Variants in LYSMD2 observed in about 807,000 individuals in gnomAD.
LYSMD2 encodes lysM and putative peptidoglycan-binding domain-containing protein 2.
LYSMD2 carries 6 observed loss-of-function variants against 17.7 expected under a neutral mutation model. That is an observed-to-expected ratio of 0.34 (90% CI 0.19 to 0.67). The LOEUF is 0.67. Ranked by LOEUF, LYSMD2 falls within the 30% of genes least tolerant of loss-of-function variation. The pLI is 0.69. For synonymous variants in LYSMD2, 102 were observed against 129.8 expected (o/e 0.79, Z 1.45); for missense variants, 237 against 286.7 (o/e 0.83, Z 1.25).
chr15:51,745,229 AT>A (rs1028574296), intron 1 of LYSMD2, among the ~76,000 whole-genome samples: 3 of 152,190 alleles, frequency 2.0e-5, no homozygotes, highest in Non-Finnish European at 2.9e-5. Flanking sequence ...TTCCAAAAAA[AT>A]AGAACACTTT....
At position 51,737,632 on chromosome 15, in the gene LYSMD2, C is replaced by G. The variant is rs1267299722; in HGVS notation, c.-10G>C. On this transcript the variant is annotated 5_prime_UTR_variant, in exon 1 of 3. Transcript: ENST00000267838. The surrounding 1 kb of genome is among the most constrained non-coding windows in gnomAD (Gnocchi z 4.2). ...GCGAGGAATCCGCCATGGGTCCTGC[C>G]GAGGCCGCCGGGTCGGGGAGCTTGC... The G allele has an allele frequency of 1.7e-6, 2 of 1,205,538 alleles. No homozygotes were observed. Among genetic ancestry groups the G allele is most frequent in the Non-Finnish European group, 2.1e-6 (2 of 971,324 alleles). 74.7% of individuals were successfully genotyped at this position (1,205,538 alleles called of 1,614,324 possible).
chr15:51,744,156 T>G (rs1480403294), intron 1 of LYSMD2, among the ~76,000 whole-genome samples: 3 of 152,128 alleles, frequency 2.0e-5, no homozygotes, highest in Non-Finnish European at 4.4e-5. Flanking sequence ...TTATTGCATC[T>G]GCTAGGACTT....
intron 1 of LYSMD2, among the ~76,000 whole-genome samples, chr15:51,743,987 T>C (rs1002816975): frequency 2.0e-5 from 3 of 152,216 alleles, no homozygotes; most frequent in African/African-American, 7.2e-5. Flanking sequence ...TATAATCATT[T>C]CTTTGTTCCA....
intron 1 of LYSMD2, 39 bp from the exon 2 acceptor site, chr15:51,725,160 C>G: frequency 1.6e-6 from 2 of 1,258,064 alleles, no homozygotes; most frequent in Non-Finnish European, 2.2e-6. Context: ...TACATATAAC[C>G]AAGTCAAGGA....
intron 1 of LYSMD2, among the ~76,000 whole-genome samples, chr15:51,747,373 C>A (rs1236214446): frequency 6.6e-6 from 1 of 152,110 alleles, no homozygotes; most frequent in Non-Finnish European, 1.5e-5. Context: ...TGCCTGTAAT[C>A]CCAGCTACCT....
At chr15:51,743,471 T>A (rs756845638) in intron 1 of LYSMD2, among the ~76,000 whole-genome samples, 1 of 152,270 alleles carries the variant, frequency 6.6e-6, no homozygotes, top group Non-Finnish European at 1.5e-5. Context: ...CATTCTATAC[T>A]GTTCCATTGA....
intron 1 of LYSMD2, among the ~76,000 whole-genome samples, chr15:51,728,396 A>AACACACAC (rs61106396): frequency 3.0e-4 from 44 of 144,940 alleles, no homozygotes; most frequent in Admixed American, 6.2e-4. Flanking sequence ...TCCAGGAGAA[A>AACACACAC]ACACACACAC....
chr15:51,734,381 A>G (rs2055595934), intron 1 of LYSMD2, among the ~76,000 whole-genome samples: 1 of 152,146 alleles, frequency 6.6e-6, no homozygotes, highest in Non-Finnish European at 1.5e-5. Context: ...GCCCTTCAGC[A>G]CCACTTCAGA....
At chr15:51,726,150 T>C (rs2055538724) in intron 1 of LYSMD2, among the ~76,000 whole-genome samples, 1 of 152,222 alleles carries the variant, frequency 6.6e-6, no homozygotes, top group African/African-American at 2.4e-5. Context: ...AGATACTCCA[T>C]TAAAGGAATG....
chr15:51,727,002 C>G (rs537849947), intron 1 of LYSMD2, among the ~76,000 whole-genome samples: 1 of 152,230 alleles, frequency 6.6e-6, no homozygotes, highest in African/African-American at 2.4e-5. Context: ...ATTGCTATAG[C>G]CTTCCTGGTC....
chr15:51,724,877 TC>T lies in LYSMD2; in HGVS notation c.517del (p.Glu173LysfsTer25). ...ESDVQPVQPE[E>X]VSARDFLQRL... ...CTGCAGGAAATCTCTGGCTGACACT[TC>T]CTCAGGCTGCACAGGCTGAACATCA... is the stretch of plus-strand genomic sequence containing the variant. On this transcript the variant is annotated frameshift_variant, in exon 2 of 3. Transcript: ENST00000267838. LOFTEE classifies it high-confidence loss of function. The T allele has an allele frequency of 1.2e-6, 2 of 1,614,106 alleles. No individual in the cohort carries two copies. Among genetic ancestry groups the T allele is most frequent in the East Asian group, 4.5e-5 (2 of 44,888 alleles).
chr15:51,742,224 G>A (rs1274354803), upstream of LYSMD2, among the ~76,000 whole-genome samples: 4 of 152,074 alleles, frequency 2.6e-5, no homozygotes, highest in Admixed American at 2.6e-4. Context: ...ATTTTTAGTA[G>A]AGATGGGGTT....
intron 1 of LYSMD2, among the ~76,000 whole-genome samples, chr15:51,726,194 G>A (rs775634439): frequency 9.2e-5 from 14 of 152,060 alleles, no homozygotes; most frequent in Admixed American, 5.2e-4. Flanking sequence ...TTGTGTTCTC[G>A]TTTCTAGTTT....
chr15:51,748,261 C>CAAAAAAAAAAAAAAAAA (rs10556304), intron 1 of LYSMD2, among the ~76,000 whole-genome samples: 14 of 60,224 alleles, frequency 2.3e-4, no homozygotes, highest in East Asian at 1.1e-3. Flanking sequence ...GACTCCGTCT[C>CAAAAAAAAAAAAAAAAA]AAAAAAAAAA....
intron 1 of LYSMD2, among the ~76,000 whole-genome samples, chr15:51,748,154 C>T (rs2055677491): frequency 6.7e-6 from 1 of 150,228 alleles, no homozygotes; most frequent in Non-Finnish European, 1.5e-5. Context: ...CCTGTAGTCC[C>T]AGCTACTCAG....
chr15:51,740,252 C>T (rs2055636171), upstream of LYSMD2, among the ~76,000 whole-genome samples: 2 of 152,146 alleles, frequency 1.3e-5, no homozygotes, highest in South Asian at 4.2e-4. Context: ...AGCCACCACG[C>T]CTGGCCAGGC....
At chr15:51,724,594 CAAAA>C (rs754626340) in intron 2 of LYSMD2, among the ~76,000 whole-genome samples, 192 bp downstream of exon 2, 1 of 76,422 alleles carries the variant, frequency 1.3e-5, no homozygotes, top group African/African-American at 4.5e-5. Context: ...GTTTTTAAAG[CAAAA>C]AAAGAAAGAA....
upstream of LYSMD2, among the ~76,000 whole-genome samples, chr15:51,739,371 G>T (rs1268589886): frequency 6.6e-6 from 1 of 152,156 alleles, no homozygotes; most frequent in Non-Finnish European, 1.5e-5. Flanking sequence ...ATTACAAGTG[G>T]TTGAATTGAG....
intron 1 of LYSMD2, chr15:51,751,179 A>C (rs1595857278): frequency 6.0e-6 from 4 of 664,344 alleles, no homozygotes; most frequent in Admixed American, 2.1e-5. Context: ...CACCTCGCTT[A>C]CCTCCTTCCC....
Sources: allele counts gnomAD v4.1 joint callset (sites outside exome capture counted in the v4.1 genomes callset), GRCh38; gene constraint gnomAD v4.1.1; non-coding constraint Gnocchi (gnomAD v3.1); transcripts MANE v1.5; gene names NCBI Gene and HGNC (gene_info 2026-07-23, HGNC 2026-07-21).